NIPAL3: variants seen among roughly 807,000 people sequenced by gnomAD.
NIPAL3 encodes NIPA-like protein 3.
Under a neutral mutation model 47.2 loss-of-function variants are expected in NIPAL3, and 41 were observed. The observed-to-expected ratio is 0.87, with a 90% CI of 0.68 to 1.13. The LOEUF (loss-of-function observed/expected upper bound fraction) is 1.13. Among genes scored for constraint, NIPAL3 ranks in the 50% most tolerant of loss-of-function variants. NIPAL3 has a pLI of 0.00. For missense variants in NIPAL3, 449 were observed against 530.1 expected (o/e 0.85, Z 1.50); for synonymous variants, 194 against 209.6 (o/e 0.93, Z 0.64).
At chr1:24,414,393 G>A (rs1643916817), upstream of NIPAL3, 1 of 151,602 alleles carries the variant, frequency 6.6e-6, no homozygotes, top group Non-Finnish European at 1.5e-5. Context: ...TGACATGGGC[G>A]ACTATACAAG....
chr1:24,419,537 A>T lies in NIPAL3; in HGVS notation c.-11A>T. On this transcript the variant is annotated 5_prime_UTR_variant, in exon 2 of 12. Coordinates refer to ENST00000374399, the MANE Select transcript of NIPAL3 (RefSeq NM_020448.5). The stretch of plus-strand genomic sequence containing the variant: ...TAGGCCAGGCCCTGTGGGATGCGCC[A>T]CTAGACCACCATGGACGGATCCCAC... The T allele has an allele frequency of 6.2e-7, 1 of 1,609,982 alleles. No individual in the cohort carries two copies.
intron 2 of NIPAL3, among the ~76,000 whole-genome samples, chr1:24,427,369 C>A (rs986236276): frequency 7.2e-5 from 11 of 152,196 alleles, no homozygotes; most frequent in Non-Finnish European, 1.5e-4. Context: ...GTCATCACTT[C>A]ACAAGGGTTT....
In NIPAL3 at chr1:24,416,800, G is replaced by C. The variant is rs1173869277; in HGVS notation, c.-258+896G>C. On this transcript the variant is annotated intron_variant, in intron 1 of 11. Transcript: ENST00000374399. This position sits in a 1 kb window ranked among gnomAD's most constrained non-coding sequence, Gnocchi z 4.8. ...AGTCCGGACTCCCACCCAGCTGAGG[G>C]AGAGCCTTCAATCTTTGCAGGCGAT... The C allele has an allele frequency of 1.3e-5, 2 of 152,240 alleles. No homozygotes were observed. The highest frequency in any genetic ancestry group is 4.8e-5 in the African/African-American group (2 of 41,450). The allele number at this position is 152,240 out of a possible 1,614,324, so 9.4% of individuals were successfully genotyped here. A position where few individuals can be genotyped will look rare whatever the true frequency, so the allele number is the denominator to read the frequency against.
In NIPAL3 at chr1:24,454,868, C is replaced by A. The variant is rs553879550; in HGVS notation, c.638-1270C>A. ...CTGAGCATGATGATTCTGAGGTTCA[C>A]CCACATCATAGCATGAATCAGTCCT... On this transcript the variant is annotated intron_variant, in intron 7 of 11. Coordinates refer to ENST00000374399, the MANE Select transcript of NIPAL3 (RefSeq NM_020448.5). The surrounding 1 kb of genome is among the most constrained non-coding windows in gnomAD (Gnocchi z 4.1). 1 of 152,338 alleles carries A rather than the reference C, an allele frequency of 6.6e-6. No homozygotes were observed. Among genetic ancestry groups the A allele is most frequent in the East Asian group, 1.9e-4 (1 of 5,192 alleles). 9.4% of individuals were successfully genotyped at this position (152,338 alleles called of 1,614,324 possible).
At chr1:24,430,865 T>C (rs1441729606) in intron 2 of NIPAL3, among the ~76,000 whole-genome samples, 1 of 152,258 alleles carries the variant, frequency 6.6e-6, no homozygotes, top group Non-Finnish European at 1.5e-5. Flanking sequence ...TGCTGTACTT[T>C]AATGCACATA....
At chr1:24,419,191 G>A (rs1644198783) in intron 1 of NIPAL3, 100 bp from the exon 2 acceptor site, 14 of 535,404 alleles carry the variant, frequency 2.6e-5, no homozygotes, top group Non-Finnish European at 2.9e-5. Flanking sequence ...TGTCATGGCC[G>A]GTTACGTTTT....
At position 24,453,427 on chromosome 1, in the gene NIPAL3, T is replaced by C. The variant is rs1389632201; in HGVS notation, c.560T>C (p.Phe187Ser). 1 of 1,613,406 alleles carries C rather than the reference T, an allele frequency of 6.2e-7. No individual in the cohort carries two copies. The highest frequency in any genetic ancestry group is 2.2e-5 in the East Asian group (1 of 44,832). ...LLYMLVEIILFCLLLYFYKEK... is the reference protein window; with the variant it reads ...LLYMLVEIILSCLLLYFYKEK... ...CCACAGCTGGTGGAGATCATTCTGTTCTGCTTGCTGCTCTACTTCTACAAG... is the reference window on the plus strand; with the variant it reads ...CCACAGCTGGTGGAGATCATTCTGTCCTGCTTGCTGCTCTACTTCTACAAG... Residue 187 changes from phenylalanine to serine, a missense_variant, in exon 7 of 12, where the codon TTC (phenylalanine) becomes TCC (serine). Physicochemically the swap from Phe to Ser is radical, Grantham distance 155. Coordinates refer to ENST00000374399, the MANE Select transcript of NIPAL3 (RefSeq NM_020448.5).
intron 8 of NIPAL3, among the ~76,000 whole-genome samples, 192 bp from the exon 9 acceptor site, chr1:24,458,696 G>T (rs1646334727): frequency 6.6e-6 from 1 of 152,258 alleles, no homozygotes; most frequent in South Asian, 2.1e-4. Context: ...TCTAGGGGAA[G>T]AGTGGGAATC....
rs1041901097 is a variant in NIPAL3 at position 24,442,072 on chromosome 1, C to T, written c.180C>T (p.Arg60=). Residue 60 remains arginine, a synonymous_variant, in exon 4 of 12, where the codon CGC becomes CGT. Transcript: ENST00000374399. ...ALNLQKYCHI[R]LAGSKDPRAY... ...GTTTCTAGAAGTACTGCCACATCCG[C>T]CTGGCAGGCTCCAAGGATCCCCGGG... 1.2e-6 allele frequency: 2 copies of T among 1,613,844 alleles called. No individual in the cohort carries two copies. Among genetic ancestry groups the T allele is most frequent in the African/African-American group, 1.3e-5 (1 of 74,936 alleles).
chr1:24,450,657 A>G (rs1205046620), intron 6 of NIPAL3, among the ~76,000 whole-genome samples: 1 of 152,192 alleles, frequency 6.6e-6, no homozygotes, highest in South Asian at 2.1e-4. Context: ...GGGTGAGAAA[A>G]CCAGGGCTCT....
chr1:24,435,299 T>G (rs1557500271), intron 2 of NIPAL3, among the ~76,000 whole-genome samples: 1 of 152,208 alleles, frequency 6.6e-6, no homozygotes, highest in African/African-American at 2.4e-5. Context: ...GCTAAAATTC[T>G]TAGAAGAAAT....
intron 2 of NIPAL3, among the ~76,000 whole-genome samples, chr1:24,429,780 A>AT (rs779978922): frequency 1.5e-4 from 23 of 152,328 alleles, no homozygotes; most frequent in Non-Finnish European, 3.1e-4. Flanking sequence ...TACTGGTTAC[A>AT]TTGCAATTCA....
chr1:24,423,925 A>G (rs1644455448), intron 2 of NIPAL3, among the ~76,000 whole-genome samples: 1 of 152,202 alleles, frequency 6.6e-6, no homozygotes, highest in Non-Finnish European at 1.5e-5. Context: ...GTTAGTTAGC[A>G]TATGAAAGGC....
At chr1:24,415,649 A>G (rs571316168), upstream of NIPAL3, 4 of 161,366 alleles carry the variant, frequency 2.5e-5, no homozygotes, top group African/African-American at 4.8e-5. Context: ...CAAGCTTTGC[A>G]GCGCAGCCAA....
At chr1:24,438,533 G>A (rs143165646) in intron 2 of NIPAL3, among the ~76,000 whole-genome samples, 178 of 152,318 alleles carry the variant, frequency 1.2e-3, no homozygotes, top group African/African-American at 4.0e-3. Flanking sequence ...TAAGCCCCGC[G>A]ATCTAGGAGA....
intron 11 of NIPAL3, chr1:24,466,195 G>T (rs2148865695): frequency 9.0e-7 from 1 of 1,117,210 alleles, no homozygotes; most frequent in Non-Finnish European, 1.3e-6. Context: ...CCTTTCCTGT[G>T]GAACAGAAAC....
intron 5 of NIPAL3, among the ~76,000 whole-genome samples, chr1:24,448,672 A>G (rs771090835): frequency 6.6e-6 from 1 of 152,082 alleles, no homozygotes; most frequent in South Asian, 2.1e-4. Context: ...GTAAGTGTTG[A>G]CAAGAATGTA....
chr1:24,453,496 C>T lies in NIPAL3; in HGVS notation c.629C>T (p.Ala210Val), dbSNP rs773822376. 3 of 1,612,552 alleles carry T rather than the reference C, an allele frequency of 1.9e-6. No individual in the cohort carries two copies. The highest frequency in any genetic ancestry group is 3.3e-5 in the Admixed American group (2 of 59,920). ...ATTGTCGTGATTCTTCTCTTGGTGGCGTTACTTGGTAAGTTGGCATCTGGA... is the reference window on the plus strand; with the variant it reads ...ATTGTCGTGATTCTTCTCTTGGTGGTGTTACTTGGTAAGTTGGCATCTGGA... ...NNIVVILLLV[A>V]LLGSMTVVTV... Residue 210 changes from alanine to valine, a missense_variant, in exon 7 of 12, where the codon GCG becomes GTG. Ala to Val is a moderately conservative substitution (Grantham distance 64). Transcript: ENST00000374399.
At chr1:24,467,422 A>T (rs1646744638) in intron 11 of NIPAL3, among the ~76,000 whole-genome samples, 1 of 152,198 alleles carries the variant, frequency 6.6e-6, no homozygotes, top group South Asian at 2.1e-4. Context: ...GTGAGCTGAG[A>T]TCACGCCACT....
Sources: allele counts gnomAD v4.1 joint callset (sites outside exome capture counted in the v4.1 genomes callset), GRCh38; gene constraint gnomAD v4.1.1; non-coding constraint Gnocchi (gnomAD v3.1); transcripts MANE v1.5; gene names NCBI Gene and HGNC (gene_info 2026-07-23, HGNC 2026-07-21).